RNF216: variants seen among roughly 807,000 people sequenced by gnomAD.
RNF216 encodes the protein ring finger protein 216.
RNF216 carries 72 observed loss-of-function variants against 110.8 expected under a neutral mutation model. The ratio of observed to expected loss-of-function variants is 0.65; its 90% CI spans 0.54 to 0.79. RNF216 has a LOEUF of 0.79. Among genes scored for constraint, RNF216 ranks in the 30% least tolerant of loss-of-function variants. The pLI is 0.00. For missense variants in RNF216, 1,342 were observed against 1,141.2 expected, an observed-to-expected ratio of 1.18 and a Z score of -2.54; for synonymous variants, 495 against 407.5, an observed-to-expected ratio of 1.21 and a Z score of -2.59.
chr7:5,723,559 A>G (rs1180996492), intron 8 of RNF216, among the ~76,000 whole-genome samples: 2 of 152,024 alleles, frequency 1.3e-5, no homozygotes, highest in African/African-American at 4.8e-5. Flanking sequence ...AGGTAGGAGA[A>G]TGGCGTGAAC....
intron 15 of RNF216, among the ~76,000 whole-genome samples, chr7:5,639,461 T>C (rs852473): frequency 0.94 from 143,381 of 152,116 alleles, 67,644 homozygotes; most frequent in East Asian, 1. Context: ...CCACCACACA[T>C]GGCTCCACAT....
intron 15 of RNF216, among the ~76,000 whole-genome samples, chr7:5,635,323 T>C (rs902915045): frequency 1.3e-5 from 2 of 151,504 alleles, no homozygotes; most frequent in East Asian, 1.9e-4. Context: ...CACAATGATA[T>C]TTATGACAGT....
chr7:5,722,943 T>G (rs1793527036), intron 8 of RNF216, among the ~76,000 whole-genome samples: 1 of 151,892 alleles, frequency 6.6e-6, no homozygotes, highest in Non-Finnish European at 1.5e-5. Flanking sequence ...GACTCCGTCT[T>G]AAAATTAAAA....
chr7:5,660,781 G>C (rs1789068326), intron 13 of RNF216, among the ~76,000 whole-genome samples: 2 of 150,300 alleles, frequency 1.3e-5, no homozygotes, highest in South Asian at 4.2e-4. Flanking sequence ...TGTTGCCCAG[G>C]CTGGTCTCAA....
chr7:5,640,845 T>C (rs1010902317), intron 15 of RNF216, among the ~76,000 whole-genome samples: 6 of 152,260 alleles, frequency 3.9e-5, no homozygotes, highest in African/African-American at 1.4e-4. Flanking sequence ...ATCAGCGTTA[T>C]GCTGGCTTTG....
chr7:5,715,946 T>C (rs2128632424), intron 10 of RNF216, among the ~76,000 whole-genome samples: 1 of 152,162 alleles, frequency 6.6e-6, no homozygotes, highest in East Asian at 1.9e-4. Flanking sequence ...TTTCACCACG[T>C]TGACCAGGCT....
In RNF216 at chr7:5,741,468, T is replaced by G; in HGVS notation, c.549A>C (p.Glu183Asp). 1 of 1,614,226 alleles carries G rather than the reference T, an allele frequency of 6.2e-7. No homozygotes were observed. Among genetic ancestry groups the G allele is most frequent in the South Asian group, 1.1e-5 (1 of 91,090 alleles). The change falls in exon 4 of 17, where the codon GAA becomes GAC. Residue 183 changes from glutamate to aspartate, a missense_variant. Glu to Asp is a conservative substitution (Grantham distance 45, BLOSUM62 2). Coordinates refer to ENST00000389902, the MANE Select transcript of RNF216 (RefSeq NM_207111.4). The stretch of plus-strand genomic sequence containing the variant: ...CGCTTTCTGTGTAAAGAAGGCTACC[T>G]TCTTCCAAGATGATGACTTTCTGCT... ...RSEQKVIILEEGSLLYTESDP... is the reference protein window; with the variant it reads ...RSEQKVIILEDGSLLYTESDP...
chr7:5,659,253 G>T (rs1051306954), intron 13 of RNF216, among the ~76,000 whole-genome samples: 1 of 152,186 alleles, frequency 6.6e-6, no homozygotes, highest in Non-Finnish European at 1.5e-5. Context: ...CGGAGATACA[G>T]CAATAAACAA....
chr7:5,718,782 G>C (rs968867605), intron 9 of RNF216, among the ~76,000 whole-genome samples: 1 of 152,082 alleles, frequency 6.6e-6, no homozygotes, highest in African/African-American at 2.4e-5. Context: ...CCTGATCTCA[G>C]GTGATCTGCC....
chr7:5,753,958 G>A (rs1021444313), intron 2 of RNF216, among the ~76,000 whole-genome samples: 2 of 152,074 alleles, frequency 1.3e-5, no homozygotes, highest in African/African-American at 4.8e-5. Context: ...TCGCAACACT[G>A]CACTCTAGCC....
At chr7:5,708,632 A>G (rs1032887788) in intron 13 of RNF216, among the ~76,000 whole-genome samples, 13 of 152,236 alleles carry the variant, frequency 8.5e-5, no homozygotes, top group African/African-American at 1.2e-4. Context: ...GTAGGCTAAT[A>G]TAAGTGCTCA....
At chr7:5,730,312 C>T (rs377655683) in intron 6 of RNF216, among the ~76,000 whole-genome samples, 14 of 152,080 alleles carry the variant, frequency 9.2e-5, no homozygotes, top group Admixed American at 3.3e-4. Flanking sequence ...TAACTAGTAC[C>T]AGTGGTAGGT....
chr7:5,643,609 CT>C (rs1490151207), intron 14 of RNF216, among the ~76,000 whole-genome samples: 2 of 152,146 alleles, frequency 1.3e-5, no homozygotes, highest in Admixed American at 1.3e-4. Flanking sequence ...AAGCCATGCC[CT>C]TCAGATCTCA....
At chr7:5,737,072 C>G (rs1399536130) in intron 5 of RNF216, among the ~76,000 whole-genome samples, 1 of 152,164 alleles carries the variant, frequency 6.6e-6, no homozygotes, top group African/African-American at 2.4e-5. Context: ...ACAGCTGTGT[C>G]GAATAGAAAA....
rs538530144 is a variant in RNF216 at position 5,655,376 on chromosome 7, T to A, written c.2062-2866A>T. On this transcript the variant is annotated intron_variant, in intron 13 of 16. Coordinates refer to ENST00000389902, the MANE Select transcript of RNF216 (RefSeq NM_207111.4). ...ACTTTGGGAGGCCGAGGCGGAGGGA[T>A]CACCTGAGGTCAGACATTAGAGACC... 5.3e-5 allele frequency among the ~76,000 whole-genome samples: 8 copies of A among 152,288 alleles called. No homozygotes were observed. The East Asian group carries it at 1.3e-3, about 26-fold the overall frequency.
intron 15 of RNF216, among the ~76,000 whole-genome samples, chr7:5,640,797 A>G (rs1235163621): frequency 6.6e-6 from 1 of 152,216 alleles, no homozygotes; most frequent in East Asian, 1.9e-4. Context: ...GAAAATCTGT[A>G]GTTTTCTTTG....
intron 2 of RNF216, among the ~76,000 whole-genome samples, chr7:5,759,633 C>CTTCTTTT (rs59390560): frequency 0.75 from 98,257 of 130,940 alleles, 39,137 homozygotes; most frequent in Middle Eastern, 0.84. Flanking sequence ...CATTTTTCTT[C>CTTCTTTT]TTTTTTTTTT....
At chr7:5,631,921 C>T (rs1267226084) in intron 15 of RNF216, among the ~76,000 whole-genome samples, 1 of 152,200 alleles carries the variant, frequency 6.6e-6, no homozygotes. Context: ...TTGCTTAGCT[C>T]ACACCCCCTT....
chr7:5,691,016 A>C lies in RNF216; in HGVS notation c.2061+20745T>G, dbSNP rs59728355. ...AGCTCCACCTCCACACACCCCCTGC[A>C]GCACCTTTTCTGCCTGTCGTCTCTT... On this transcript the variant is annotated intron_variant, in intron 13 of 16. Coordinates refer to ENST00000389902, the MANE Select transcript of RNF216 (RefSeq NM_207111.4). 5.4e-3 allele frequency among the ~76,000 whole-genome samples: 824 copies of C among 152,314 alleles called. 3 individuals are homozygous for C. Among genetic ancestry groups the C allele is most frequent in the African/African-American group, 0.018 (743 of 41,564 alleles).
Sources: gnomAD v4.1 joint callset for allele counts (sites outside exome capture counted in the v4.1 genomes callset) on GRCh38, gnomAD v4.1.1 for gene constraint, MANE v1.5 for transcripts, NCBI Gene and HGNC (gene_info 2026-07-23, HGNC 2026-07-21) for gene names.